The following MTUS1 variants were observed in gnomAD, a reference collection of about 807,000 sequenced individuals.
MTUS1 encodes the protein microtubule associated scaffold protein 1, also known as microtubule-associated tumor suppressor 1.
A neutral mutation model predicts 120.8 loss-of-function variants in MTUS1; 109 were observed. That is an observed-to-expected ratio of 0.90 (90% CI 0.77 to 1.06). The LOEUF (loss-of-function observed/expected upper bound fraction) is 1.06, where lower values mean the gene tolerates loss of function less well. Ranked by LOEUF, MTUS1 falls within the 50% of genes least tolerant of loss-of-function variation. The pLI is 0.00. For missense variants in MTUS1, 2,210 were observed against 1,486.3 expected, an observed-to-expected ratio of 1.49 and a Z score of -8.01; for synonymous variants, 737 against 550.5, an observed-to-expected ratio of 1.34 and a Z score of -4.74.
chr8:17,665,311 T>G (rs1810659921), intron 8 of MTUS1, among the ~76,000 whole-genome samples: 1 of 152,200 alleles, frequency 6.6e-6, no homozygotes, highest in African/African-American at 2.4e-5. Context: ...TATTAGGAAC[T>G]TGCTTTTTAC....
At chr8:17,752,791 G>T (rs937890573) in intron 2 of MTUS1, among the ~76,000 whole-genome samples, 1 of 152,116 alleles carries the variant, frequency 6.6e-6, no homozygotes. Context: ...TGGCCCAGAG[G>T]ACAGGCACCC....
In MTUS1 at chr8:17,723,790, A is replaced by G; in HGVS notation, c.2331T>C (p.Asn777=). ...SLKTAQSSWV[N]LPRPLPKSKA... Reference sequence around the variant, plus strand: ...TGGATTTAGGAAGTGGTCTAGGCAAATTCACCCATGACGACTGTGCAGTTT... The same window carrying G: ...TGGATTTAGGAAGTGGTCTAGGCAAGTTCACCCATGACGACTGTGCAGTTT... The change falls in exon 4 of 15, where the codon AAT becomes AAC. Residue 777 remains asparagine (N), a synonymous_variant. Coordinates refer to ENST00000693296, the MANE Select transcript of MTUS1 (RefSeq NM_001363059.2). 1 of 1,608,724 alleles carries G rather than the reference A, an allele frequency of 6.2e-7. No homozygotes were observed. The highest frequency in any genetic ancestry group is 8.5e-7 in the Non-Finnish European group (1 of 1,176,910).
At chr8:17,650,950 T>C (rs966908570) in intron 12 of MTUS1, among the ~76,000 whole-genome samples, 2 of 152,122 alleles carry the variant, frequency 1.3e-5, no homozygotes, top group African/African-American at 4.8e-5. Flanking sequence ...TTCCGGGGCA[T>C]TGGTTTCTGC....
chr8:17,744,470 GAGTGT>G (rs756529837), intron 2 of MTUS1, among the ~76,000 whole-genome samples: 46 of 152,118 alleles, frequency 3.0e-4, no homozygotes, highest in Non-Finnish European at 6.2e-4. Context: ...GCCCAGGCTG[GAGTGT>G]AGTGGCATGA....
At chr8:17,785,946 A>G (rs1371294870) in intron 1 of MTUS1, among the ~76,000 whole-genome samples, 1 of 152,180 alleles carries the variant, frequency 6.6e-6, no homozygotes, top group Non-Finnish European at 1.5e-5. Flanking sequence ...GTTCAAGACC[A>G]GCCCGGGCGA....
intron 8 of MTUS1, among the ~76,000 whole-genome samples, chr8:17,662,696 C>T (rs1187562882): frequency 6.6e-6 from 1 of 151,826 alleles, no homozygotes; most frequent in Admixed American, 6.6e-5. Flanking sequence ...TTTAAAAAAG[C>T]ACATATATGA....
chr8:17,659,391 T>A (rs931201984), intron 8 of MTUS1, among the ~76,000 whole-genome samples: 2 of 152,004 alleles, frequency 1.3e-5, no homozygotes, highest in African/African-American at 2.4e-5. Flanking sequence ...AATTAAAAAA[T>A]AAATAAATAA....
chr8:17,686,612 G>C (rs1250995091), intron 6 of MTUS1, among the ~76,000 whole-genome samples: 3 of 152,052 alleles, frequency 2.0e-5, no homozygotes, highest in Admixed American at 1.3e-4. Flanking sequence ...GAATTTCTAT[G>C]CTAATCAACG....
intron 1 of MTUS1, among the ~76,000 whole-genome samples, chr8:17,767,191 A>G (rs966703774): frequency 3.6e-4 from 1 of 2,770 alleles, no homozygotes; most frequent in African/African-American, 8.0e-4. Context: ...CTCAGGGTAA[A>G]AAAAAAAAAA....
At chr8:17,777,022 G>A (rs867327562) in intron 1 of MTUS1, among the ~76,000 whole-genome samples, 8 of 152,094 alleles carry the variant, frequency 5.3e-5, no homozygotes, top group Non-Finnish European at 8.8e-5. Flanking sequence ...CCCTTTCTCT[G>A]AACACAGCCC....
intron 10 of MTUS1, 103 bp downstream of exon 10, chr8:17,654,458 G>T: frequency 1.2e-6 from 1 of 830,452 alleles, no homozygotes; most frequent in Non-Finnish European, 2.0e-6. Context: ...GAAGGCCACA[G>T]GGCATTCGCT....
intron 6 of MTUS1, chr8:17,693,473 G>C (rs7846560): frequency 0.3 from 45,952 of 152,082 alleles, 8,084 homozygotes; most frequent in Non-Finnish European, 0.4. Context: ...TGGGATCAAT[G>C]AGAAAGCTTA....
At chr8:17,708,131 C>T (rs1019115988) in intron 6 of MTUS1, among the ~76,000 whole-genome samples, 4 of 152,194 alleles carry the variant, frequency 2.6e-5, no homozygotes, top group Admixed American at 2.0e-4. Context: ...AAATTTAAAA[C>T]GTTTATGTTT....
At chr8:17,721,184 C>G (rs1250600799) in intron 4 of MTUS1, among the ~76,000 whole-genome samples, 1 of 152,124 alleles carries the variant, frequency 6.6e-6, no homozygotes, top group Non-Finnish European at 1.5e-5. Flanking sequence ...TAAATCAGAA[C>G]ACTGATCAAA....
chr8:17,773,863 A>G lies in MTUS1; in HGVS notation c.-154-17902T>C, dbSNP rs146424304. On this transcript the variant is annotated intron_variant, in intron 1 of 14. Transcript: ENST00000693296. ...TCTATGTCAACCAGCTTGGACACAG[A>G]TCTACACATGCATGGATCAATGACT... Among the ~76,000 whole-genome samples, 482 of 152,228 alleles carry G rather than the reference A, an allele frequency of 3.2e-3. 2 individuals carry two copies. The highest frequency in any genetic ancestry group is 0.011 in the African/African-American group (467 of 41,534).
At chr8:17,776,156 C>G (rs564314211) in intron 1 of MTUS1, among the ~76,000 whole-genome samples, 13 of 152,072 alleles carry the variant, frequency 8.5e-5, no homozygotes, top group African/African-American at 3.1e-4. Context: ...AAAAAAACAA[C>G]AATACAAAAT....
chr8:17,679,490 T>G (rs1162518817), intron 7 of MTUS1, among the ~76,000 whole-genome samples: 1 of 94,796 alleles, frequency 1.1e-5, no homozygotes, highest in East Asian at 3.0e-4. Context: ...ATTTTTATTT[T>G]ATTTATTTAT....
intron 2 of MTUS1, among the ~76,000 whole-genome samples, chr8:17,746,680 A>C (rs1004242341): frequency 6.6e-6 from 1 of 152,114 alleles, no homozygotes; most frequent in African/African-American, 2.4e-5. Context: ...ACAATTCAAG[A>C]TGAGATTTGG....
intron 1 of MTUS1, among the ~76,000 whole-genome samples, chr8:17,776,903 C>G (rs1413726326): frequency 2.0e-5 from 3 of 152,094 alleles, no homozygotes; most frequent in East Asian, 1.9e-4. Context: ...CTTTTAAGAC[C>G]TAATTGTAAT....
Sources: allele counts gnomAD v4.1 joint callset (sites outside exome capture counted in the v4.1 genomes callset), GRCh38; gene constraint gnomAD v4.1.1; transcripts MANE v1.5; gene names NCBI Gene and HGNC (gene_info 2026-07-23, HGNC 2026-07-21).